PTPRC: variants seen among roughly 807,000 people sequenced by gnomAD.
PTPRC encodes protein tyrosine phosphatase receptor type C, also known as receptor-type tyrosine-protein phosphatase C.
A neutral mutation model predicts 155.9 loss-of-function variants in PTPRC; 44 were observed. That is an observed-to-expected ratio of 0.28 (90% CI 0.22 to 0.36). The LOEUF (loss-of-function observed/expected upper bound fraction) is 0.36, where lower values mean the gene tolerates loss of function less well. Among genes scored for constraint, PTPRC ranks in the 10% least tolerant of loss-of-function variants. The pLI is 1.00. For missense variants in PTPRC, 1,401 were observed against 1,564.6 expected, an observed-to-expected ratio of 0.90 and a Z score of 1.76; for synonymous variants, 525 against 533.1, an observed-to-expected ratio of 0.98 and a Z score of 0.21.
chr1:198,743,420 G>A (rs1196373221), intron 25 of PTPRC, among the ~76,000 whole-genome samples: 1 of 151,748 alleles, frequency 6.6e-6, no homozygotes, highest in Non-Finnish European at 1.5e-5. Context: ...TATTTACAGT[G>A]GAAAATAAAG....
chr1:198,703,407 C>A, intron 7 of PTPRC, 35 bp downstream of exon 7: 2 of 1,609,510 alleles, frequency 1.2e-6, no homozygotes, highest in Non-Finnish European at 1.7e-6. Flanking sequence ...CCACACCATC[C>A]CCATGTGCCT....
At chr1:198,679,521 G>C (rs1665177078) in intron 2 of PTPRC, 1 of 153,370 alleles carries the variant, frequency 6.5e-6, no homozygotes, top group African/African-American at 2.5e-5. Context: ...ACCCGCCCCA[G>C]CCTCCCAAAG....
chr1:198,674,734 T>C (rs912804336), intron 2 of PTPRC, among the ~76,000 whole-genome samples: 2 of 151,982 alleles, frequency 1.3e-5, no homozygotes, highest in Admixed American at 6.6e-5. Flanking sequence ...CTTTTAAAAA[T>C]AAGCTTTCAA....
rs1474448548 is a variant in PTPRC, at chr1:198,716,797, T to C, written c.1407T>C (p.Arg469=). 1.7e-5 allele frequency: 27 copies of C among 1,613,524 alleles called. No individual in the cohort carries two copies. Among genetic ancestry groups the C allele is most frequent in the Non-Finnish European group, 2.2e-5 (26 of 1,179,904 alleles). Residue 469 remains arginine, a synonymous_variant, in exon 13 of 33, where the codon CGT becomes CGC. Transcript: ENST00000442510. ...LHAYIIAKVQ[R]NGSAAMCHFT... ...CCTACATCATTGCAAAAGTGCAACG[T>C]AATGGAAGTGCTGCAATGTGTCATT...
chr1:198,735,196 A>G lies in PTPRC; in HGVS notation c.2347A>G (p.Ile783Val), dbSNP rs773525497. Residue 783 changes from isoleucine (I) to valine (V), a missense_variant, in exon 23 of 33, where the codon ATC becomes GTC. By Grantham distance (29) the Ile-to-Val change is conservative. Coordinates refer to ENST00000442510, the MANE Select transcript of PTPRC (RefSeq NM_002838.5). ...TRAFGDVVVK[I>V]NQHKRCPDYI... ...GGCTTTTGGAGATGTTGTTGTAAAG[A>G]TCAACCAGCACAAAAGATGTCCAGA... is the stretch of plus-strand genomic sequence containing the variant. 5 of 1,604,666 alleles carry G rather than the reference A, an allele frequency of 3.1e-6. No individual in the cohort carries two copies. The highest frequency in any genetic ancestry group is 4.3e-6 in the Non-Finnish European group (5 of 1,174,348).
In PTPRC at chr1:198,731,660, T is replaced by C; in HGVS notation, c.1908T>C (p.Asp636=). 6.2e-7 allele frequency: 1 copy of C among 1,611,796 alleles called. No homozygotes were observed. The highest frequency in any genetic ancestry group is 8.5e-7 in the Non-Finnish European group (1 of 1,178,344). ...QLMNVEPIHA[D]ILLETYKRKI... ...TGAATGTGGAGCCAATCCATGCAGA[T>C]ATTTTGTTGGAAACTTATAAGAGGA... Residue 636 remains aspartate, a synonymous_variant, in exon 18 of 33, where the codon GAT becomes GAC. Coordinates refer to ENST00000442510, the MANE Select transcript of PTPRC (RefSeq NM_002838.5).
intron 8 of PTPRC, among the ~76,000 whole-genome samples, chr1:198,704,755 A>G (rs554740086): frequency 2.0e-4 from 31 of 152,198 alleles, no homozygotes; most frequent in Non-Finnish European, 2.9e-5. Flanking sequence ...TATATTGGGA[A>G]CTGTGCCTAC....
In PTPRC at chr1:198,650,333, A is replaced by G. The variant is rs1663175342; in HGVS notation, c.73+10992A>G. On this transcript the variant is annotated intron_variant, in intron 2 of 32. Transcript: ENST00000442510. ...ACTTTGACTGTTATGAAGAGAATAG[A>G]TTGGAAGTAAGGCAAAGCCTGGAAG... Among the ~76,000 whole-genome samples the G allele has an allele frequency of 2.0e-5, 3 of 151,994 alleles. No homozygotes were observed. In the South Asian group the frequency reaches 6.2e-4, roughly 31 times the overall value.
intron 20 of PTPRC, among the ~76,000 whole-genome samples, chr1:198,732,779 G>A (rs944682687): frequency 6.6e-6 from 1 of 151,762 alleles, no homozygotes; most frequent in Non-Finnish European, 1.5e-5. Flanking sequence ...ATTATATTAA[G>A]AATTAATTTA....
intron 3 of PTPRC, chr1:198,692,812 G>A (rs1666001395): frequency 3.3e-6 from 3 of 906,394 alleles, no homozygotes; most frequent in Non-Finnish European, 1.3e-6. Flanking sequence ...TTTTTTCAAT[G>A]GTATGCAAAA....
Position 198,754,369 on chromosome 1 carries a change from C to A in PTPRC, c.3610C>A (p.Leu1204Ile). Reference protein sequence around the residue: ...VVDIFQVVKALRKARPGMVST... With the variant: ...VVDIFQVVKAIRKARPGMVST... ...GGATATTTTTCAAGTGGTAAAAGCT[C>A]TACGCAAAGCTAGGCCAGGCATGGT... Residue 1204 changes from leucine (L) to isoleucine (I), a missense_variant, in exon 32 of 33, where the codon CTA becomes ATA. This residue lies in a region of PTPRC where 400 missense variants were observed against 389.5 expected (regional missense o/e 1.03). Transcript: ENST00000442510. 1 of 1,613,444 alleles carries A rather than the reference C, an allele frequency of 6.2e-7. No individual in the cohort carries two copies. The highest frequency in any genetic ancestry group is 1.1e-5 in the South Asian group (1 of 91,066).
chr1:198,645,629 C>T lies in PTPRC; in HGVS notation c.73+6288C>T, dbSNP rs552786921. 3.8e-4 allele frequency among the ~76,000 whole-genome samples: 58 copies of T among 151,734 alleles called. 1 individual carries two copies. The highest frequency in any genetic ancestry group is 2.2e-3 in the Admixed American group (34 of 15,170). ...TGAGAAGTAAATTTTTTCATGTGAG[C>T]CCATGAAATCAGAGCACATAGCCTT... On this transcript the variant is annotated intron_variant, in intron 2 of 32. Coordinates refer to ENST00000442510, the MANE Select transcript of PTPRC (RefSeq NM_002838.5).
chr1:198,749,359 A>G (rs1655277587), intron 27 of PTPRC, 57 bp from the exon 28 acceptor site: 5 of 1,522,778 alleles, frequency 3.3e-6, no homozygotes, highest in Non-Finnish European at 4.5e-6. Flanking sequence ...CCACATGACA[A>G]TGAAGAAGAA....
chr1:198,716,968 G>T, intron 13 of PTPRC, 128 bp downstream of exon 13: 3 of 811,714 alleles, frequency 3.7e-6, no homozygotes. Context: ...AACATCTAGG[G>T]CTTATAAACA....
chr1:198,725,621 G>A (rs762791498), intron 15 of PTPRC, among the ~76,000 whole-genome samples: 1 of 152,060 alleles, frequency 6.6e-6, no homozygotes. Context: ...CCTGTACTGA[G>A]CCTGACTTTA....
intron 30 of PTPRC, 24 bp from the exon 31 acceptor site, chr1:198,752,570 T>C (rs80355303): frequency 6.2e-7 from 1 of 1,605,072 alleles, no homozygotes; most frequent in Non-Finnish European, 8.5e-7. Flanking sequence ...CTCCAGTTAA[T>C]GCTCTCTTCA....
chr1:198,688,480 T>C (rs1269205753), intron 2 of PTPRC, among the ~76,000 whole-genome samples: 1 of 152,214 alleles, frequency 6.6e-6, no homozygotes, highest in Non-Finnish European at 1.5e-5. Context: ...ACAAAAGGTC[T>C]GTAAATTTTA....
At chr1:198,715,129 G>A (rs1353534719) in intron 12 of PTPRC, among the ~76,000 whole-genome samples, 6 of 152,134 alleles carry the variant, frequency 3.9e-5, no homozygotes, top group African/African-American at 1.2e-4. Context: ...GGTTTTGTTT[G>A]TTTGTTTGTT....
chr1:198,724,261 G>C (rs1388108856), intron 15 of PTPRC, among the ~76,000 whole-genome samples: 1 of 152,134 alleles, frequency 6.6e-6, no homozygotes, highest in Non-Finnish European at 1.5e-5. Flanking sequence ...GAAAGGACTT[G>C]GGCTGTGAAT....
Sources: gnomAD v4.1 joint callset for allele counts (sites outside exome capture counted in the v4.1 genomes callset) on GRCh38, gnomAD v4.1.1 for gene constraint, gnomAD v4.1.1 regional missense constraint, MANE v1.5 for transcripts, NCBI Gene and HGNC (gene_info 2026-07-23, HGNC 2026-07-21) for gene names.